PHF14: variants seen among roughly 807,000 people sequenced by gnomAD.
The protein encoded by PHF14 is PHD finger protein 14.
A neutral mutation model predicts 117.9 loss-of-function variants in PHF14; 55 were observed. The ratio of observed to expected loss-of-function variants is 0.47; its 90% CI spans 0.38 to 0.58. PHF14 has a LOEUF of 0.58. Among genes scored for constraint, PHF14 ranks in the 20% least tolerant of loss-of-function variants. The pLI, the probability that PHF14 is intolerant of heterozygous loss-of-function variation, is 0.00. For missense variants in PHF14, 978 were observed against 1,122.2 expected (o/e 0.87, Z 1.84); for synonymous variants, 409 against 368.6 (o/e 1.11, Z -1.26).
chr7:10,981,360 C>T (rs1259508477), intron 2 of PHF14, among the ~76,000 whole-genome samples: 1 of 152,164 alleles, frequency 6.6e-6, no homozygotes, highest in Non-Finnish European at 1.5e-5. Flanking sequence ...TGTCCTCTTT[C>T]CCTCCTCCCA....
intron 14 of PHF14, among the ~76,000 whole-genome samples, chr7:11,053,997 A>T (rs1784932785): frequency 6.6e-6 from 1 of 152,068 alleles, no homozygotes; most frequent in Admixed American, 6.6e-5. Context: ...TCTTACTTGT[A>T]GAAATTCCAA....
chr7:11,061,541 T>C (rs1187034474), intron 14 of PHF14: 1 of 263,164 alleles, frequency 3.8e-6, no homozygotes, highest in Non-Finnish European at 7.0e-6. Flanking sequence ...TCATTTTTTT[T>C]CTATCAGATA....
In PHF14 at chr7:10,990,508, C is replaced by T. The variant is rs566028357; in HGVS notation, c.901-195C>T. 2.0e-5 allele frequency among the ~76,000 whole-genome samples: 3 copies of T among 152,220 alleles called. No individual in the cohort carries two copies. In the South Asian group the frequency reaches 6.2e-4, roughly 32 times the overall value. On this transcript the variant is annotated intron_variant, in intron 3 of 17. Coordinates refer to ENST00000634607, the MANE Select transcript of PHF14 (RefSeq NM_001007157.2). ...GAAAAATTAAATAAGAGGGTGCTTA[C>T]AGGGTTCTTTGATAAAGAGGTCAAG...
At chr7:11,090,752 A>G (rs886402936) in intron 16 of PHF14, among the ~76,000 whole-genome samples, 2 of 152,188 alleles carry the variant, frequency 1.3e-5, no homozygotes, top group African/African-American at 4.8e-5. Flanking sequence ...TTATTTATAC[A>G]TTAGATTTTT....
Position 11,103,112 on chromosome 7 carries a change from A to C in PHF14, c.2655-8238A>C, listed in dbSNP as rs983708464. 3.0e-5 allele frequency: 29 copies of C among 974,452 alleles called. No individual in the cohort carries two copies. In the African/African-American group the frequency reaches 4.9e-4, roughly 16 times the overall value. 60.4% of individuals were successfully genotyped at this position (974,452 alleles called of 1,614,324 possible). On this transcript the variant is annotated intron_variant, in intron 16 of 17. Transcript: ENST00000634607. ...CTCATATTAAATGTTATTTCTATTT[A>C]TAATATTCAGCAAAAGTGAAAGACT...
intron 11 of PHF14, 47 bp downstream of exon 11, chr7:11,038,902 A>G (rs759009649): frequency 1.2e-6 from 1 of 853,014 alleles, no homozygotes; most frequent in African/African-American, 1.7e-5. Context: ...TGCTCCCTAT[A>G]TGATTTTCAA....
chr7:11,100,639 G>T (rs560766957), intron 16 of PHF14, among the ~76,000 whole-genome samples: 1 of 152,074 alleles, frequency 6.6e-6, no homozygotes, highest in South Asian at 2.1e-4. Flanking sequence ...GCCAGTCAGT[G>T]TGCTAGTGCC....
chr7:11,059,106 G>A (rs971811969), intron 14 of PHF14, among the ~76,000 whole-genome samples: 3 of 152,060 alleles, frequency 2.0e-5, no homozygotes, highest in Admixed American at 1.3e-4. Flanking sequence ...AGAGAGAAAT[G>A]GAGCTATACC....
At chr7:10,978,929 T>C (rs539254528) in intron 2 of PHF14, among the ~76,000 whole-genome samples, 6 of 152,178 alleles carry the variant, frequency 3.9e-5, no homozygotes, top group Non-Finnish European at 5.9e-5. Context: ...TCAAGACATA[T>C]ACGGTTTTGG....
In PHF14 at chr7:11,036,890, G is replaced by T. The variant is rs1234624564; in HGVS notation, c.1874-95G>T. 4.1e-6 allele frequency: 4 copies of T among 984,902 alleles called. No individual in the cohort carries two copies. In the Admixed American group the frequency reaches 8.3e-5, roughly 21 times the overall value. The allele number at this position is 984,902 out of a possible 1,614,324, so 61.0% of individuals were successfully genotyped here. A position where few individuals can be genotyped will look rare whatever the true frequency, so the allele number is the denominator to read the frequency against. ...AATATACTTAAAAGTTTTAAACTATGTAGGTTTATCAATGTGATCATCTTT... is the reference window on the plus strand; with the variant it reads ...AATATACTTAAAAGTTTTAAACTATTTAGGTTTATCAATGTGATCATCTTT... On this transcript the variant is annotated intron_variant, in intron 9 of 17. Coordinates refer to ENST00000634607, the MANE Select transcript of PHF14 (RefSeq NM_001007157.2).
At chr7:11,060,524 C>G (rs1372618857) in intron 14 of PHF14, among the ~76,000 whole-genome samples, 1 of 152,138 alleles carries the variant, frequency 6.6e-6, no homozygotes, top group Admixed American at 6.5e-5. Flanking sequence ...ATTTGACCTA[C>G]TTAGGATTCT....
intron 17 of PHF14, among the ~76,000 whole-genome samples, chr7:11,114,733 A>G (rs999083116): frequency 6.6e-6 from 1 of 152,116 alleles, no homozygotes; most frequent in Non-Finnish European, 1.5e-5. Context: ...ACGTATTTAC[A>G]TACATGGAGG....
At chr7:11,121,671 A>G (rs1422631750) in intron 17 of PHF14, among the ~76,000 whole-genome samples, 3 of 151,982 alleles carry the variant, frequency 2.0e-5, no homozygotes, top group Non-Finnish European at 4.4e-5. Flanking sequence ...CAGTACTGTG[A>G]TGGTCGATCT....
intron 4 of PHF14, among the ~76,000 whole-genome samples, chr7:10,991,105 C>T (rs1195397125): frequency 4.6e-5 from 7 of 152,008 alleles, no homozygotes; most frequent in Non-Finnish European, 8.8e-5. Context: ...ATTCTGCTGC[C>T]TCAGCCTCCT....
At chr7:11,068,349 CAAAAAAAAAAA>C (rs10659513) in intron 16 of PHF14, among the ~76,000 whole-genome samples, 4 of 66,772 alleles carry the variant, frequency 6.0e-5, no homozygotes, top group African/African-American at 1.7e-4. Flanking sequence ...GACTCCGTCT[CAAAAAAAAAAA>C]AAAAAAAAAA....
intron 17 of PHF14, among the ~76,000 whole-genome samples, chr7:11,144,106 A>T (rs1176243297): frequency 1.3e-5 from 2 of 152,144 alleles, no homozygotes; most frequent in African/African-American, 4.8e-5. Context: ...GTCAATAAGT[A>T]TATGAAAAAA....
chr7:11,106,479 A>G, intron 16 of PHF14: 1 of 949,530 alleles, frequency 1.1e-6, no homozygotes, highest in Non-Finnish European at 1.3e-6. Flanking sequence ...ATTACAAGGA[A>G]TAAAATATTG....
Position 11,148,298 on chromosome 7 carries a change from A to G in PHF14, c.2773-21118A>G, listed in dbSNP as rs530195734. Among the ~76,000 whole-genome samples the G allele has an allele frequency of 2.6e-5, 4 of 152,332 alleles. No individual in the cohort carries two copies. The South Asian group carries it at 8.3e-4, about 32-fold the overall frequency. ...GCAAATCAAATAACCGTTATGGGCT[A>G]TGTAGTCAACTTAACTTTTCATCTT... On this transcript the variant is annotated intron_variant, in intron 17 of 17. Coordinates refer to ENST00000634607, the MANE Select transcript of PHF14 (RefSeq NM_001007157.2).
At chr7:11,107,598 C>G (rs149742019) in intron 16 of PHF14, 1 of 784,558 alleles carries the variant, frequency 1.3e-6, no homozygotes, top group African/African-American at 1.9e-5. Context: ...ATTAAAAAAT[C>G]TTAGTGTTTC....
Sources: allele counts gnomAD v4.1 joint callset (sites outside exome capture counted in the v4.1 genomes callset), GRCh38; gene constraint gnomAD v4.1.1; transcripts MANE v1.5; gene names NCBI Gene and HGNC (gene_info 2026-07-23, HGNC 2026-07-21).